Variants in PDGFC observed in about 807,000 individuals in gnomAD.
PDGFC encodes the protein platelet-derived growth factor C.
In PDGFC, 12 loss-of-function variants were observed where a neutral mutation model predicts 35.5. The ratio of observed to expected loss-of-function variants is 0.34; its 90% CI spans 0.22 to 0.55. PDGFC has a LOEUF of 0.55. Among genes scored for constraint, PDGFC ranks in the 20% least tolerant of loss-of-function variants. PDGFC has a pLI of 0.91. For missense variants in PDGFC, 322 were observed against 412.4 expected, an observed-to-expected ratio of 0.78 and a Z score of 1.90; for synonymous variants, 159 against 148.8, an observed-to-expected ratio of 1.07 and a Z score of -0.50.
chr4:156,827,285 C>A (rs1460620025), intron 2 of PDGFC, among the ~76,000 whole-genome samples: 1 of 151,784 alleles, frequency 6.6e-6, no homozygotes. Flanking sequence ...GGTGTGGTGG[C>A]GGGCACCTGT....
chr4:156,809,643 C>T (rs1272373015), intron 3 of PDGFC, among the ~76,000 whole-genome samples: 2 of 151,618 alleles, frequency 1.3e-5, no homozygotes, highest in Non-Finnish European at 2.9e-5. Flanking sequence ...TTTATCATTA[C>T]ATATTTGATT....
chr4:156,844,210 TTTAG>T (rs1729271263), intron 2 of PDGFC, among the ~76,000 whole-genome samples: 1 of 152,168 alleles, frequency 6.6e-6, no homozygotes, highest in Non-Finnish European at 1.5e-5. Context: ...GAAGCTAGCA[TTTAG>T]TTAGTTAAAT....
rs978734171 is a variant in PDGFC, at chr4:156,761,431, A to C, written c.*1659T>G. 6.6e-6 allele frequency: 1 copy of C among 152,246 alleles called. No homozygotes were observed. Among genetic ancestry groups the C allele is most frequent in the African/African-American group, 2.4e-5 (1 of 41,474 alleles). 9.4% of individuals were successfully genotyped at this position (152,246 alleles called of 1,614,324 possible). ...CCAGAAATCTGTATTAAGACCAGTAAGAAAAATAAAACCATTGCTCAAAGG... is the reference window on the plus strand; with the variant it reads ...CCAGAAATCTGTATTAAGACCAGTACGAAAAATAAAACCATTGCTCAAAGG... On this transcript the variant is annotated 3_prime_UTR_variant, in exon 6 of 6. Transcript: ENST00000502773.
intron 2 of PDGFC, among the ~76,000 whole-genome samples, chr4:156,814,574 C>T (rs1212130456): frequency 2.0e-5 from 3 of 151,992 alleles, no homozygotes; most frequent in African/African-American, 7.2e-5. Context: ...GACCATTTTT[C>T]AAAATAACCA....
intron 1 of PDGFC, among the ~76,000 whole-genome samples, chr4:156,893,846 C>T (rs1579082604): frequency 1.3e-5 from 2 of 152,092 alleles, no homozygotes; most frequent in East Asian, 3.9e-4. Flanking sequence ...ACATATTATA[C>T]ATAAACACAC....
At chr4:156,889,576 A>G (rs955401997) in intron 1 of PDGFC, among the ~76,000 whole-genome samples, 7 of 152,216 alleles carry the variant, frequency 4.6e-5, no homozygotes, top group Non-Finnish European at 7.3e-5. Flanking sequence ...ACAATACTGT[A>G]AGTAGGAGTT....
At chr4:156,953,026 T>C (rs1732119478) in intron 1 of PDGFC, among the ~76,000 whole-genome samples, 1 of 151,868 alleles carries the variant, frequency 6.6e-6, no homozygotes, top group Admixed American at 6.6e-5. Context: ...ATGTTTGGAG[T>C]ACCAACAAAA....
chr4:156,918,658 G>T (rs1444866841), intron 1 of PDGFC, among the ~76,000 whole-genome samples: 4 of 152,166 alleles, frequency 2.6e-5, no homozygotes, highest in East Asian at 3.9e-4. Flanking sequence ...CTCCTTATGA[G>T]ACTCTAATGC....
chr4:156,926,049 CAAAAAAAAA>C (rs397707839), intron 1 of PDGFC, among the ~76,000 whole-genome samples: 2 of 67,546 alleles, frequency 3.0e-5, no homozygotes, highest in Admixed American at 2.0e-4. Context: ...AGATCTGTCT[CAAAAAAAAA>C]AAAAAAAAAA....
intron 2 of PDGFC, among the ~76,000 whole-genome samples, chr4:156,831,915 T>C (rs1329161286): frequency 6.6e-6 from 1 of 152,204 alleles, no homozygotes; most frequent in Non-Finnish European, 1.5e-5. Context: ...TTTGATTTGC[T>C]ATATACATTT....
intron 1 of PDGFC, chr4:156,861,363 G>T: frequency 1.8e-6 from 1 of 540,666 alleles, no homozygotes; most frequent in Non-Finnish European, 3.1e-6. Flanking sequence ...TTACATGAAA[G>T]TACAACAGTT....
At chr4:156,827,953 C>G (rs535657608) in intron 2 of PDGFC, among the ~76,000 whole-genome samples, 3 of 152,134 alleles carry the variant, frequency 2.0e-5, no homozygotes, top group Admixed American at 6.5e-5. Flanking sequence ...AAAGCAAATG[C>G]GTGAAACAGT....
chr4:156,863,016 C>G (rs912704920), intron 1 of PDGFC, among the ~76,000 whole-genome samples: 1 of 152,012 alleles, frequency 6.6e-6, no homozygotes, highest in Non-Finnish European at 1.5e-5. Flanking sequence ...ATAGTTCTTA[C>G]AATGATTTTC....
At chr4:156,949,739 A>G (rs997536130) in intron 1 of PDGFC, among the ~76,000 whole-genome samples, 1 of 151,956 alleles carries the variant, frequency 6.6e-6, no homozygotes, top group Non-Finnish European at 1.5e-5. Flanking sequence ...GTGTATTACT[A>G]GAATGACTTT....
At chr4:156,910,662 A>G (rs1454948910) in intron 1 of PDGFC, among the ~76,000 whole-genome samples, 1 of 152,146 alleles carries the variant, frequency 6.6e-6, no homozygotes, top group African/African-American at 2.4e-5. Context: ...CACCAGTGAC[A>G]TATGGGAGAT....
At chr4:156,888,656 T>G (rs1375503251) in intron 1 of PDGFC, among the ~76,000 whole-genome samples, 1 of 152,220 alleles carries the variant, frequency 6.6e-6, no homozygotes, top group Non-Finnish European at 1.5e-5. Context: ...TGCTTAATCT[T>G]TGTGTTTTTC....
At chr4:156,866,413 T>C (rs1437469322) in intron 1 of PDGFC, among the ~76,000 whole-genome samples, 1 of 152,202 alleles carries the variant, frequency 6.6e-6, no homozygotes, top group African/African-American at 2.4e-5. Context: ...TTGCATATGT[T>C]GTATTTTTTA....
chr4:156,950,859 G>A (rs946225743), intron 1 of PDGFC, among the ~76,000 whole-genome samples: 4 of 151,780 alleles, frequency 2.6e-5, no homozygotes, highest in Non-Finnish European at 5.9e-5. Flanking sequence ...AAAGTAAAAT[G>A]ACAATTGATA....
At chr4:156,951,427 A>G (rs1732078572) in intron 1 of PDGFC, among the ~76,000 whole-genome samples, 1 of 151,768 alleles carries the variant, frequency 6.6e-6, no homozygotes, top group African/African-American at 2.4e-5. Context: ...TATTGACCAT[A>G]TAAGTTGTGA....
Sources: gnomAD v4.1 joint callset for allele counts (sites outside exome capture counted in the v4.1 genomes callset) on GRCh38, gnomAD v4.1.1 for gene constraint, MANE v1.5 for transcripts, NCBI Gene and HGNC (gene_info 2026-07-23, HGNC 2026-07-21) for gene names.